The following LRRC7 variants were observed in gnomAD, a reference collection of about 807,000 sequenced individuals.
LRRC7 encodes the protein leucine rich repeat containing 7.
Under a neutral mutation model 175.7 loss-of-function variants are expected in LRRC7, and 23 were observed. The observed-to-expected ratio is 0.13, with a 90% CI of 0.09 to 0.19. The LOEUF (loss-of-function observed/expected upper bound fraction) is 0.19, where lower values mean the gene tolerates loss of function less well. LRRC7 is among the 10% of genes least tolerant of loss of function. The pLI is 1.00. For synonymous variants in LRRC7, 685 were observed against 680.9 expected, an observed-to-expected ratio of 1.01 and a Z score of -0.09; for missense variants, 1,354 against 1,904.7, an observed-to-expected ratio of 0.71 and a Z score of 5.38.
intron 7 of LRRC7, among the ~76,000 whole-genome samples, chr1:69,899,293 T>A (rs1321806561): frequency 6.6e-6 from 1 of 152,184 alleles, no homozygotes; most frequent in Non-Finnish European, 1.5e-5. Context: ...AGCAGGGAAA[T>A]ACCATAGCAT....
chr1:69,707,496 C>T (rs938763188), intron 2 of LRRC7, among the ~76,000 whole-genome samples: 1 of 152,038 alleles, frequency 6.6e-6, no homozygotes, highest in Non-Finnish European at 1.5e-5. Context: ...TTTCTTTACT[C>T]TTTTATTGGT....
At chr1:69,817,065 T>C (rs1678683255) in intron 4 of LRRC7, among the ~76,000 whole-genome samples, 1 of 152,056 alleles carries the variant, frequency 6.6e-6, no homozygotes, top group African/African-American at 2.4e-5. Context: ...ATATATTATA[T>C]GTATGTAGGT....
intron 5 of LRRC7, 44 bp downstream of exon 5, chr1:69,825,870 T>C (rs372384712): frequency 1.6e-6 from 2 of 1,213,414 alleles, no homozygotes; most frequent in Non-Finnish European, 2.4e-6. Context: ...ATATTTCCAT[T>C]GTATAATAAT....
chr1:70,117,154 A>C (rs1270746988), intron 26 of LRRC7, among the ~76,000 whole-genome samples: 1 of 152,116 alleles, frequency 6.6e-6, no homozygotes, highest in Non-Finnish European at 1.5e-5. Flanking sequence ...CTCTAAGCTG[A>C]TTTCTTTTTT....
rs373486644 is a variant in LRRC7, at chr1:69,879,236, AG to A, written c.647+40954del. ...TTAAAAAAAAAAAAAAAAAAAAAAA[AG>A]ACTGCGCACTGGCCAGAATATGCCT... On this transcript the variant is annotated intron_variant, in intron 7 of 26. Coordinates refer to ENST00000651989, the MANE Select transcript of LRRC7 (RefSeq NM_001370785.2). 7.0e-4 allele frequency among the ~76,000 whole-genome samples: 99 copies of A among 141,688 alleles called. 7 individuals are homozygous for A. Among genetic ancestry groups the A allele is most frequent in the African/African-American group, 1.8e-3 (70 of 39,780 alleles). 93.0% of individuals were successfully genotyped at this position (141,688 alleles called of 152,430 possible). A position where few individuals can be genotyped will look rare whatever the true frequency, so the allele number is the denominator to read the frequency against.
intron 1 of LRRC7, among the ~76,000 whole-genome samples, chr1:69,677,529 C>G (rs1187415645): frequency 6.6e-6 from 1 of 151,834 alleles, no homozygotes; most frequent in East Asian, 1.9e-4. Flanking sequence ...TTTACATTCC[C>G]AACAGCAGTG....
intron 4 of LRRC7, among the ~76,000 whole-genome samples, chr1:69,798,459 G>A (rs1236924359): frequency 6.6e-6 from 1 of 152,084 alleles, no homozygotes; most frequent in Admixed American, 6.6e-5. Context: ...TACACCCTGT[G>A]TATTGTCTAT....
chr1:69,621,764 G>A, intron 1 of LRRC7, among the ~76,000 whole-genome samples: 1 of 152,086 alleles, frequency 6.6e-6, no homozygotes, highest in East Asian at 1.9e-4. Flanking sequence ...TTTCCTTACT[G>A]CCATGTAGTT....
chr1:69,606,417 GA>G (rs1264068593), intron 1 of LRRC7, among the ~76,000 whole-genome samples: 1 of 151,892 alleles, frequency 6.6e-6, no homozygotes, highest in Admixed American at 6.6e-5. Context: ...TCATAATAAA[GA>G]GTTTTTAAAA....
intron 2 of LRRC7, among the ~76,000 whole-genome samples, chr1:69,705,281 C>T (rs1313668767): frequency 1.3e-5 from 2 of 152,126 alleles, no homozygotes; most frequent in Admixed American, 1.3e-4. Context: ...GAAAATGAAG[C>T]CCACAGCTGT....
intron 4 of LRRC7, among the ~76,000 whole-genome samples, chr1:69,809,987 T>C (rs1329279795): frequency 6.6e-6 from 1 of 152,154 alleles, no homozygotes; most frequent in Non-Finnish European, 1.5e-5. Flanking sequence ...AAATTATCTC[T>C]TTTTGCAGAT....
chr1:69,793,128 A>G (rs1005019403), intron 4 of LRRC7, among the ~76,000 whole-genome samples: 3 of 152,150 alleles, frequency 2.0e-5, no homozygotes, highest in African/African-American at 7.2e-5. Flanking sequence ...GGCATGAACA[A>G]AACAGATCCT....
chr1:69,686,729 A>G (rs1288483288), intron 2 of LRRC7, among the ~76,000 whole-genome samples: 3 of 152,152 alleles, frequency 2.0e-5, no homozygotes, highest in Admixed American at 1.3e-4. Context: ...ATAAAATTAG[A>G]TGTATTAGAC....
At chr1:69,654,259 G>T (rs1656286559) in intron 1 of LRRC7, among the ~76,000 whole-genome samples, 1 of 151,792 alleles carries the variant, frequency 6.6e-6, no homozygotes, top group South Asian at 2.1e-4. Context: ...ATCAAAAAAG[G>T]GGAAACTTAA....
At position 70,038,230 on chromosome 1, in the gene LRRC7, C is replaced by T. The variant is rs1488127734; in HGVS notation, c.2406C>T (p.Phe802=). The change falls in exon 21 of 27, where the codon TTC becomes TTT. Residue 802 remains phenylalanine (F), a synonymous_variant. Transcript: ENST00000651989. The part of the protein sequence containing the change: ...RPDRLPMSDT[F]TDNWTDGSHY... ...ACCGGCTGCCCATGAGTGATACTTTCACTGACAACTGGACTGATGGCTCGC... is the reference window on the plus strand; with the variant it reads ...ACCGGCTGCCCATGAGTGATACTTTTACTGACAACTGGACTGATGGCTCGC... The T allele has an allele frequency of 1.2e-6, 2 of 1,614,168 alleles. No individual in the cohort carries two copies. The highest frequency in any genetic ancestry group is 1.7e-6 in the Non-Finnish European group (2 of 1,180,018).
chr1:69,639,104 C>A (rs527847868), intron 1 of LRRC7, among the ~76,000 whole-genome samples: 54 of 151,886 alleles, frequency 3.6e-4, no homozygotes, highest in African/African-American at 1.3e-3. Flanking sequence ...ATGGTCCAAA[C>A]AGGATTCTGG....
intron 1 of LRRC7, among the ~76,000 whole-genome samples, chr1:69,667,834 C>G (rs896645079): frequency 6.6e-6 from 1 of 152,074 alleles, no homozygotes. Flanking sequence ...GGACTTACTC[C>G]TGCCTTTTTA....
In LRRC7 at chr1:69,717,830, GAAAGAAAGAAAA is replaced by G. The variant is rs1272276895; in HGVS notation, c.100+39355_100+39366del. ...AGAAAGAAAGAAAGAAAGAAAGAAA[GAAAGAAAGAAAA>G]AAGAAAGAAAGGAAAGAAAGAAAGA... On this transcript the variant is annotated intron_variant, in intron 2 of 26. Coordinates refer to ENST00000651989, the MANE Select transcript of LRRC7 (RefSeq NM_001370785.2). 6.7e-4 allele frequency among the ~76,000 whole-genome samples: 19 copies of G among 28,354 alleles called. 3 individuals carry two copies. The highest frequency in any genetic ancestry group is 2.6e-3 in the South Asian group (2 of 762). The allele number at this position is 28,354 out of a possible 152,430, so 18.6% of individuals were successfully genotyped here.
chr1:69,829,310 G>A (rs544388736), intron 5 of LRRC7, among the ~76,000 whole-genome samples: 175 of 151,724 alleles, frequency 1.2e-3, no homozygotes, highest in Middle Eastern at 6.8e-3. Context: ...TGAGTGTCTG[G>A]GTCTATTGTT....
Sources: allele counts gnomAD v4.1 joint callset (sites outside exome capture counted in the v4.1 genomes callset), GRCh38; gene constraint gnomAD v4.1.1; transcripts MANE v1.5; gene names NCBI Gene and HGNC (gene_info 2026-07-23, HGNC 2026-07-21).